MYO1B: variants seen among roughly 807,000 people sequenced by gnomAD.
MYO1B encodes myosin IB, also known as unconventional myosin-Ib.
Under a neutral mutation model 159.7 loss-of-function variants are expected in MYO1B, and 72 were observed. That is an observed-to-expected ratio of 0.45 (90% CI 0.37 to 0.55). MYO1B has a LOEUF of 0.55. Ranked by LOEUF, MYO1B falls within the 20% of genes least tolerant of loss-of-function variation. MYO1B has a pLI of 0.00. For missense variants in MYO1B, 1,062 were observed against 1,364.8 expected, an observed-to-expected ratio of 0.78 and a Z score of 3.50; for synonymous variants, 468 against 473.8, an observed-to-expected ratio of 0.99 and a Z score of 0.16.
intron 30 of MYO1B, among the ~76,000 whole-genome samples, chr2:191,416,739 G>A (rs1004492399): frequency 2.6e-5 from 4 of 152,002 alleles, no homozygotes; most frequent in African/African-American, 9.7e-5. Context: ...TCTTGAACCC[G>A]GGAGGCGGAG....
chr2:191,389,472 G>T (rs1018194689), intron 17 of MYO1B, among the ~76,000 whole-genome samples: 1 of 152,178 alleles, frequency 6.6e-6, no homozygotes, highest in Non-Finnish European at 1.5e-5. Context: ...CGTGTTCCTC[G>T]TCTGCATGGA....
At chr2:191,398,331 C>T (rs1213573748) in intron 21 of MYO1B, among the ~76,000 whole-genome samples, 2 of 124,984 alleles carry the variant, frequency 1.6e-5, no homozygotes, top group African/African-American at 5.7e-5. Context: ...GGCGGCTGGC[C>T]GGGCAGGGGG....
chr2:191,369,374 G>A (rs557953332), intron 11 of MYO1B, among the ~76,000 whole-genome samples, 168 bp from the exon 12 acceptor site: 3 of 152,160 alleles, frequency 2.0e-5, no homozygotes, highest in Admixed American at 2.0e-4. Context: ...TAAACAATTT[G>A]CCTAATTCTC....
intron 18 of MYO1B, 113 bp downstream of exon 18, chr2:191,390,605 C>T: frequency 8.0e-7 from 1 of 1,245,292 alleles, no homozygotes; most frequent in East Asian, 2.6e-5. Context: ...CTGGATGTAA[C>T]CTCTGTTTTG....
At chr2:191,380,641 T>G (rs1012843462) in intron 13 of MYO1B, among the ~76,000 whole-genome samples, 1 of 152,212 alleles carries the variant, frequency 6.6e-6, no homozygotes, top group African/African-American at 2.4e-5. Context: ...GGCATAAAGC[T>G]TCTGTCAACA....
chr2:191,366,383 GTT>G (rs200164204), intron 11 of MYO1B, among the ~76,000 whole-genome samples: 1 of 145,830 alleles, frequency 6.9e-6, no homozygotes, highest in African/African-American at 2.5e-5. Context: ...TTAGTCAACT[GTT>G]TTTTTTTTTA....
At chr2:191,390,528 T>G in intron 18 of MYO1B, 36 bp downstream of exon 18, 1 of 1,583,412 alleles carries the variant, frequency 6.3e-7, no homozygotes, top group Non-Finnish European at 8.6e-7. Flanking sequence ...ATAATGAATG[T>G]TTTAAGTGGT....
chr2:191,362,781 C>T (rs976710563), intron 9 of MYO1B, among the ~76,000 whole-genome samples: 18 of 152,062 alleles, frequency 1.2e-4, no homozygotes, highest in African/African-American at 3.9e-4. Flanking sequence ...TAAACCCGAG[C>T]GATTAGCATT....
In MYO1B at chr2:191,358,032, T is replaced by C. The variant is rs933383297; in HGVS notation, c.563-2599T>C. On this transcript the variant is annotated intron_variant, in intron 7 of 30. Coordinates refer to ENST00000392318, the MANE Select transcript of MYO1B (RefSeq NM_001130158.3). Reference sequence around the variant, plus strand: ...TTGTAATGAAAGATTCCTTATCTTGTGTGATTGAGTTGCTTAGGCGAATTC... The same window carrying C: ...TTGTAATGAAAGATTCCTTATCTTGCGTGATTGAGTTGCTTAGGCGAATTC... Among the ~76,000 whole-genome samples the C allele has an allele frequency of 2.0e-5, 3 of 152,226 alleles. No individual in the cohort carries two copies. In the South Asian group the frequency reaches 6.2e-4, roughly 32 times the overall value.
At chr2:191,387,526 C>A in intron 17 of MYO1B, 76 bp downstream of exon 17, 1 of 1,308,338 alleles carries the variant, frequency 7.6e-7, no homozygotes, top group Non-Finnish European at 1.1e-6. Context: ...CCCTTTGCTT[C>A]AATCTGAGTG....
At chr2:191,332,599 G>A (rs1052581641) in intron 4 of MYO1B, among the ~76,000 whole-genome samples, 7 of 152,040 alleles carry the variant, frequency 4.6e-5, no homozygotes, top group Admixed American at 3.3e-4. Context: ...CGTGCTGGGC[G>A]GTGTGCTTAT....
chr2:191,261,813 G>A (rs899950650), intron 1 of MYO1B, among the ~76,000 whole-genome samples: 3 of 152,114 alleles, frequency 2.0e-5, no homozygotes, highest in African/African-American at 7.2e-5. Flanking sequence ...AAAGACCATT[G>A]AGTACAACAG....
At chr2:191,374,232 T>C (rs1694556822) in intron 13 of MYO1B, among the ~76,000 whole-genome samples, 1 of 152,234 alleles carries the variant, frequency 6.6e-6, no homozygotes, top group Non-Finnish European at 1.5e-5. Context: ...GGTCAGAGTA[T>C]GGAAGAAGTA....
At chr2:191,379,918 TA>T (rs1216058453) in intron 13 of MYO1B, among the ~76,000 whole-genome samples, 2 of 152,206 alleles carry the variant, frequency 1.3e-5, no homozygotes, top group Non-Finnish European at 2.9e-5. Flanking sequence ...CACAGGGTTT[TA>T]AAAAATTTGT....
intron 21 of MYO1B, among the ~76,000 whole-genome samples, chr2:191,398,421 T>C (rs1209966319): frequency 2.5e-5 from 1 of 39,412 alleles, no homozygotes; most frequent in African/African-American, 4.1e-5. Flanking sequence ...GGCGGGGGGC[T>C]GACCCCCCCC....
In MYO1B at chr2:191,287,530, CA is replaced by C. The variant is rs78877911; in HGVS notation, c.136-8569del. Reference sequence around the variant, plus strand: ...GGGCAACAAGAGTGAAACTCCGTCTCAAAAAAAAAAAAGGTGAGGAAACTGG... The same window carrying C: ...GGGCAACAAGAGTGAAACTCCGTCTCAAAAAAAAAAAGGTGAGGAAACTGG... On this transcript the variant is annotated intron_variant, in intron 2 of 30. Coordinates refer to ENST00000392318, the MANE Select transcript of MYO1B (RefSeq NM_001130158.3). 1.6e-3 allele frequency among the ~76,000 whole-genome samples: 210 copies of C among 130,276 alleles called. 1 individual carries two copies. Among genetic ancestry groups the C allele is most frequent in the Middle Eastern group, 3.9e-3 (1 of 258 alleles). 85.5% of individuals were successfully genotyped at this position (130,276 alleles called of 152,430 possible).
chr2:191,398,650 T>A (rs1331305427), intron 21 of MYO1B, among the ~76,000 whole-genome samples: 2 of 150,574 alleles, frequency 1.3e-5, no homozygotes, highest in Non-Finnish European at 2.9e-5. Flanking sequence ...GCAGAGGCGC[T>A]CCCCACTCAG....
intron 1 of MYO1B, among the ~76,000 whole-genome samples, chr2:191,251,829 C>T (rs559042197): frequency 6.6e-6 from 1 of 152,200 alleles, no homozygotes; most frequent in Admixed American, 6.5e-5. Context: ...TTTCACATTG[C>T]AACCACAACA....
In MYO1B at chr2:191,296,218, C is replaced by A. The variant is rs149185856; in HGVS notation, c.243C>A (p.Ser81Arg). The A allele has an allele frequency of 3.1e-6, 5 of 1,597,274 alleles. No individual in the cohort carries two copies. The South Asian group carries it at 4.4e-5, about 14-fold the overall frequency. Residue 81 changes from serine to arginine, a missense_variant, in exon 3 of 31, where the codon AGC becomes AGA. This residue lies in a region of MYO1B where 415 missense variants were observed against 544.0 expected (regional missense o/e 0.76). Coordinates refer to ENST00000392318, the MANE Select transcript of MYO1B (RefSeq NM_001130158.3). ...EYRNRNFYELSPHIFALSDEA... is the reference protein window; with the variant it reads ...EYRNRNFYELRPHIFALSDEA... ...GGAACAGAAATTTTTATGAACTGAGCCCTCACATGTAAGTACTGTACTAAA... is the reference window on the plus strand; with the variant it reads ...GGAACAGAAATTTTTATGAACTGAGACCTCACATGTAAGTACTGTACTAAA...
Sources: allele counts gnomAD v4.1 joint callset (sites outside exome capture counted in the v4.1 genomes callset), GRCh38; gene constraint gnomAD v4.1.1; regional missense constraint gnomAD v4.1.1; transcripts MANE v1.5; gene names NCBI Gene and HGNC (gene_info 2026-07-23, HGNC 2026-07-21).